LRP1B: variants seen among roughly 807,000 people sequenced by gnomAD.
LRP1B encodes the protein LDL receptor related protein 1B.
A neutral mutation model predicts 556.6 loss-of-function variants in LRP1B; 217 were observed. The observed-to-expected ratio is 0.39, with a 90% CI of 0.35 to 0.44. The LOEUF (loss-of-function observed/expected upper bound fraction) is 0.44. LRP1B is among the 20% of genes least tolerant of loss of function. The probability of loss-of-function intolerance (pLI) is 1.00; values close to 1 mark genes in which losing one functional copy is unlikely to be tolerated. For synonymous variants in LRP1B, 2,047 were observed against 1,865.8 expected, an observed-to-expected ratio of 1.10 and a Z score of -2.50; for missense variants, 5,053 against 5,620.8, an observed-to-expected ratio of 0.90 and a Z score of 3.23.
At chr2:141,626,370 A>G (rs914804216) in intron 2 of LRP1B, among the ~76,000 whole-genome samples, 1 of 152,200 alleles carries the variant, frequency 6.6e-6, no homozygotes, top group Non-Finnish European at 1.5e-5. Context: ...AGAAGATAAC[A>G]TAGAAGAAAA....
chr2:141,908,997 CG>C (rs1699833440), intron 1 of LRP1B, among the ~76,000 whole-genome samples: 1 of 152,014 alleles, frequency 6.6e-6, no homozygotes, highest in South Asian at 2.1e-4. Flanking sequence ...GTGTAAGAGT[CG>C]GAGTCCACCC....
chr2:140,608,196 G>T (rs916843895), intron 41 of LRP1B, among the ~76,000 whole-genome samples: 1 of 152,102 alleles, frequency 6.6e-6, no homozygotes, highest in Non-Finnish European at 1.5e-5. Context: ...AAACTACTGA[G>T]TTGGGTAAGC....
rs1428546221 is a variant in LRP1B at position 142,104,079 on chromosome 2, C to T, written c.82+26569G>A. ...ACAATTTTTCAATTCTTTTCCACTT[C>T]CTTTTTCTTCCAAGAGGATATTTAT... On this transcript the variant is annotated intron_variant, in intron 1 of 90. Transcript: ENST00000389484. Among the ~76,000 whole-genome samples the T allele has an allele frequency of 7.2e-5, 11 of 152,104 alleles. No homozygotes were observed. The South Asian group carries it at 2.1e-3, about 29-fold the overall frequency.
At chr2:141,663,616 C>T (rs547254257) in intron 2 of LRP1B, among the ~76,000 whole-genome samples, 38 of 152,046 alleles carry the variant, frequency 2.5e-4, no homozygotes, top group African/African-American at 8.2e-4. Flanking sequence ...CTGGACAATG[C>T]GCCCTCCCAC....
chr2:141,243,089 A>C (rs1683938852), intron 5 of LRP1B, among the ~76,000 whole-genome samples: 1 of 152,016 alleles, frequency 6.6e-6, no homozygotes, highest in Non-Finnish European at 1.5e-5. Context: ...ATGTGCAAGA[A>C]GTTTTACTGG....
At chr2:141,305,569 T>C (rs996860867) in intron 3 of LRP1B, among the ~76,000 whole-genome samples, 1 of 152,202 alleles carries the variant, frequency 6.6e-6, no homozygotes, top group African/African-American at 2.4e-5. Flanking sequence ...TTTTTCCAGT[T>C]TGGATGCCTT....
At chr2:140,238,126 C>T (rs776355266) in intron 89 of LRP1B, 26 bp downstream of exon 89, 13 of 1,561,868 alleles carry the variant, frequency 8.3e-6, no homozygotes, top group Admixed American at 1.9e-5. Context: ...TTAGTGCTCA[C>T]TGCCCATTAT....
chr2:140,576,421 T>G lies in LRP1B; in HGVS notation c.7194+22210A>C, dbSNP rs535334441. Among the ~76,000 whole-genome samples the G allele has an allele frequency of 9.2e-5, 14 of 152,288 alleles. No homozygotes were observed. The South Asian group carries it at 2.9e-3, about 32-fold the overall frequency. The stretch of plus-strand genomic sequence containing the variant: ...AAAGCAAGCCAACTTAAAAATGTTA[T>G]CAGAAAAAGGAAGTGTTTTATTTCA... On this transcript the variant is annotated intron_variant, in intron 43 of 90. Coordinates refer to ENST00000389484, the MANE Select transcript of LRP1B (RefSeq NM_018557.3).
At chr2:140,541,732 A>C in intron 44 of LRP1B, 47 bp downstream of exon 44, 1 of 1,390,284 alleles carries the variant, frequency 7.2e-7, no homozygotes, top group Non-Finnish European at 9.9e-7. Flanking sequence ...TTTAGAGATC[A>C]GAGATTATAC....
At chr2:141,401,156 C>A (rs1055883067) in intron 3 of LRP1B, among the ~76,000 whole-genome samples, 1 of 152,118 alleles carries the variant, frequency 6.6e-6, no homozygotes, top group African/African-American at 2.4e-5. Flanking sequence ...CATTAAAATA[C>A]TGATTTATAA....
rs1417592688 is a variant in LRP1B, at chr2:141,822,118, C to CAGAG, written c.83-11718_83-11717insCTCT. ...ACACACACACACACACACACACACACACACACACACACAGAGAGAGAGAGA... is the reference window on the plus strand; with the variant it reads ...ACACACACACACACACACACACACACAGAGACACACACACACAGAGAGAGAGAGA... On this transcript the variant is annotated intron_variant, in intron 1 of 90. Transcript: ENST00000389484. Among the ~76,000 whole-genome samples the CAGAG allele has an allele frequency of 6.7e-3, 685 of 102,872 alleles. 7 individuals are homozygous for CAGAG. Among genetic ancestry groups the CAGAG allele is most frequent in the African/African-American group, 0.027 (633 of 23,780 alleles). The allele number at this position is 102,872 out of a possible 152,430, so 67.5% of individuals were successfully genotyped here. A position where few individuals can be genotyped will look rare whatever the true frequency, so the allele number is the denominator to read the frequency against.
rs1701953271 is a variant in LRP1B at position 141,152,661 on chromosome 2, T to A, written c.1013+35760A>T. Among the ~76,000 whole-genome samples, 4 of 152,052 alleles carry A rather than the reference T, an allele frequency of 2.6e-5. No individual in the cohort carries two copies. The South Asian group carries it at 8.3e-4, about 32-fold the overall frequency. ...TTTTATCAATTTCTTTGCTAAAGAA[T>A]AATATATGGTATTACACATAATAAT... On this transcript the variant is annotated intron_variant, in intron 7 of 90. Transcript: ENST00000389484.
chr2:141,334,197 A>G (rs143368833), intron 3 of LRP1B, among the ~76,000 whole-genome samples: 2 of 152,166 alleles, frequency 1.3e-5, no homozygotes, highest in African/African-American at 2.4e-5. Context: ...CTCCTGTCCA[A>G]CTGTAATCCT....
intron 2 of LRP1B, among the ~76,000 whole-genome samples, chr2:141,550,938 A>G (rs940607704): frequency 6.6e-6 from 1 of 152,104 alleles, no homozygotes; most frequent in Non-Finnish European, 1.5e-5. Context: ...AGAAAACATC[A>G]TTTATTTACA....
chr2:141,855,452 G>A lies in LRP1B; in HGVS notation c.83-45051C>T, dbSNP rs534170936. ...TGAGCAGAGGCTAGTGAGAAGAAAA[G>A]CAAAAGTAAATGGTATTGTGATCCC... On this transcript the variant is annotated intron_variant, in intron 1 of 90. Coordinates refer to ENST00000389484, the MANE Select transcript of LRP1B (RefSeq NM_018557.3). 1.9e-4 allele frequency among the ~76,000 whole-genome samples: 29 copies of A among 152,216 alleles called. No individual in the cohort carries two copies. The South Asian group carries it at 6.0e-3, about 32-fold the overall frequency.
chr2:141,224,733 A>G (rs1683177957), intron 6 of LRP1B, among the ~76,000 whole-genome samples: 2 of 151,502 alleles, frequency 1.3e-5, no homozygotes, highest in South Asian at 2.1e-4. Flanking sequence ...AACCAAGAGA[A>G]CCATGTTCTC....
At chr2:140,934,523 T>C (rs950183333) in intron 20 of LRP1B, among the ~76,000 whole-genome samples, 3 of 152,010 alleles carry the variant, frequency 2.0e-5, no homozygotes, top group Non-Finnish European at 2.9e-5. Context: ...AGATGGTAAA[T>C]TGTAGTTAAT....
At chr2:141,384,470 A>T (rs915787513) in intron 3 of LRP1B, among the ~76,000 whole-genome samples, 2 of 152,166 alleles carry the variant, frequency 1.3e-5, no homozygotes, top group Non-Finnish European at 2.9e-5. Flanking sequence ...ATTGAGATAT[A>T]ATTTTTTAAA....
At chr2:140,476,170 T>A (rs1041937463) in intron 59 of LRP1B, among the ~76,000 whole-genome samples, 1 of 152,056 alleles carries the variant, frequency 6.6e-6, no homozygotes, top group Non-Finnish European at 1.5e-5. Context: ...GATTAAGCCA[T>A]TTGTGTTTTT....
Sources: gnomAD v4.1 joint callset for allele counts (sites outside exome capture counted in the v4.1 genomes callset) on GRCh38, gnomAD v4.1.1 for gene constraint, MANE v1.5 for transcripts, NCBI Gene and HGNC (gene_info 2026-07-23, HGNC 2026-07-21) for gene names.